Variants in PDZD8 observed in about 807,000 individuals in gnomAD.
PDZD8 encodes PDZ domain-containing protein 8.
A neutral mutation model predicts 85.8 loss-of-function variants in PDZD8; 14 were observed. That is an observed-to-expected ratio of 0.16 (90% CI 0.11 to 0.26). The LOEUF (loss-of-function observed/expected upper bound fraction) is 0.26, where lower values mean the gene tolerates loss of function less well. Ranked by LOEUF, PDZD8 falls within the 10% of genes least tolerant of loss-of-function variation. The probability of loss-of-function intolerance (pLI) is 1.00; values close to 1 mark genes in which losing one functional copy is unlikely to be tolerated. For missense variants in PDZD8, 1,197 were observed against 1,424.3 expected (o/e 0.84, Z 2.57); for synonymous variants, 592 against 568.6 (o/e 1.04, Z -0.59).
At chr10:117,290,387 G>A (rs1478375986) in intron 3 of PDZD8, 39 bp from the exon 4 acceptor site, 3 of 1,502,634 alleles carry the variant, frequency 2.0e-6, no homozygotes, top group Non-Finnish European at 1.8e-6. Flanking sequence ...TGATTCAATG[G>A]ATTCCTAGTA....
chr10:117,312,959 G>C (rs967484544), intron 3 of PDZD8, among the ~76,000 whole-genome samples: 1 of 152,168 alleles, frequency 6.6e-6, no homozygotes, highest in African/African-American at 2.4e-5. Flanking sequence ...CATCTTTCAT[G>C]AAAAGTCAGA....
rs1390975649 is a variant in PDZD8 at position 117,375,350 on chromosome 10, T to C, written c.-123A>G. The C allele has an allele frequency of 6.1e-6, 5 of 816,438 alleles. No individual in the cohort carries two copies. In the East Asian group the frequency reaches 9.9e-5, roughly 16 times the overall value. 50.6% of individuals were successfully genotyped at this position (816,438 alleles called of 1,614,324 possible). A position where few individuals can be genotyped will look rare whatever the true frequency, so the allele number is the denominator to read the frequency against. On this transcript the variant is annotated 5_prime_UTR_variant, in exon 1 of 5. Transcript: ENST00000334464. ...GGCTGGGTCGGGGCGAGCGGCTCCGTGGGCCTCGTCCAGGGGCTCGGGCCG... is the reference window on the plus strand; with the variant it reads ...GGCTGGGTCGGGGCGAGCGGCTCCGCGGGCCTCGTCCAGGGGCTCGGGCCG...
chr10:117,372,323 T>G (rs1442661087), intron 1 of PDZD8, among the ~76,000 whole-genome samples: 1 of 152,208 alleles, frequency 6.6e-6, no homozygotes, highest in Non-Finnish European at 1.5e-5. Flanking sequence ...ATACAGATAA[T>G]AGTTTTTCAA....
chr10:117,363,167 A>G (rs1355695944), intron 1 of PDZD8, among the ~76,000 whole-genome samples: 1 of 152,110 alleles, frequency 6.6e-6, no homozygotes, highest in East Asian at 1.9e-4. Flanking sequence ...AGAGAACAAA[A>G]AGCTTTGAAT....
At chr10:117,372,022 C>A (rs141069838) in intron 1 of PDZD8, among the ~76,000 whole-genome samples, 26 of 152,306 alleles carry the variant, frequency 1.7e-4, no homozygotes, top group African/African-American at 4.8e-4. Flanking sequence ...TTCCTGAGGG[C>A]TGAGTTCAAG....
chr10:117,321,535 G>T (rs1844225143), intron 2 of PDZD8, among the ~76,000 whole-genome samples: 2 of 152,076 alleles, frequency 1.3e-5, no homozygotes, highest in African/African-American at 2.4e-5. Context: ...CTTTGAGGGG[G>T]ATGAAAATAT....
intron 3 of PDZD8, among the ~76,000 whole-genome samples, chr10:117,294,579 A>T (rs1380783125): frequency 2.0e-5 from 3 of 152,184 alleles, no homozygotes; most frequent in Admixed American, 2.0e-4. Context: ...TACTATTCAC[A>T]AGAGCCAAGC....
rs148078361 is a variant in PDZD8, at chr10:117,306,560, C to A, written c.1098+12312G>T. On this transcript the variant is annotated intron_variant, in intron 3 of 4. Coordinates refer to ENST00000334464, the MANE Select transcript of PDZD8 (RefSeq NM_173791.5). ...AGAAACAGTTCTTATTCTGAATCAC[C>A]AGGTCAGGCCTCAACTTCATATAGT... 4.4e-3 allele frequency among the ~76,000 whole-genome samples: 676 copies of A among 152,104 alleles called. 3 individuals are homozygous for A. The highest frequency in any genetic ancestry group is 6.9e-3 in the Non-Finnish European group (472 of 67,964).
At chr10:117,358,879 C>A (rs1427560856) in intron 1 of PDZD8, among the ~76,000 whole-genome samples, 1 of 151,980 alleles carries the variant, frequency 6.6e-6, no homozygotes, top group Non-Finnish European at 1.5e-5. Flanking sequence ...CCTATCAAAC[C>A]TTCTATTTAT....
chr10:117,366,817 A>T (rs1021391030), intron 1 of PDZD8, among the ~76,000 whole-genome samples: 3 of 152,256 alleles, frequency 2.0e-5, no homozygotes, highest in African/African-American at 7.2e-5. Flanking sequence ...CGTAAATCGC[A>T]TATTTCCACA....
intron 2 of PDZD8, among the ~76,000 whole-genome samples, chr10:117,328,329 T>G (rs528608107): frequency 3.0e-4 from 46 of 152,352 alleles, no homozygotes; most frequent in Non-Finnish European, 5.9e-4. Flanking sequence ...CTATGTTGAC[T>G]GTCAAGCTTT....
intron 1 of PDZD8, among the ~76,000 whole-genome samples, chr10:117,346,141 TGA>T (rs1354297878): frequency 6.8e-6 from 1 of 147,360 alleles, no homozygotes; most frequent in Admixed American, 7.1e-5. Flanking sequence ...CTCAGGAGGC[TGA>T]GACAGGAGAA....
Position 117,300,257 on chromosome 10 carries a change from T to C in PDZD8, c.1099-9909A>G, listed in dbSNP as rs577966174. Among the ~76,000 whole-genome samples the C allele has an allele frequency of 2.6e-5, 4 of 152,228 alleles. No individual in the cohort carries two copies. The South Asian group carries it at 8.3e-4, about 32-fold the overall frequency. ...TTCCTATTATTCCAGAAAAATGCAA[T>C]ATTTTTGTTTCGTGGTCCTCTGGCT... is the stretch of plus-strand genomic sequence containing the variant. On this transcript the variant is annotated intron_variant, in intron 3 of 4. Coordinates refer to ENST00000334464, the MANE Select transcript of PDZD8 (RefSeq NM_173791.5).
intron 3 of PDZD8, among the ~76,000 whole-genome samples, chr10:117,302,724 G>A (rs1843867500): frequency 1.3e-5 from 2 of 152,264 alleles, no homozygotes; most frequent in Admixed American, 6.5e-5. Context: ...ACCCAGGGGG[G>A]CGTAATTGAA....
chr10:117,375,198 C>T lies in PDZD8; in HGVS notation c.30G>A (p.Ser10=). The T allele has an allele frequency of 6.4e-7, 1 of 1,554,208 alleles. No individual in the cohort carries two copies. Among genetic ancestry groups the T allele is most frequent in the Non-Finnish European group, 8.7e-7 (1 of 1,155,148 alleles). MGLLLMILA[S]AVLGSFLTLL... ...GCGTGAGGAAGGAACCCAGCACGGCCGACGCCAGGATCATGAGCAGCAGCC... is the reference window on the plus strand; with the variant it reads ...GCGTGAGGAAGGAACCCAGCACGGCTGACGCCAGGATCATGAGCAGCAGCC... The change falls in exon 1 of 5, where the codon TCG becomes TCA. Residue 10 remains serine (S), a synonymous_variant. Coordinates refer to ENST00000334464, the MANE Select transcript of PDZD8 (RefSeq NM_173791.5).
intron 3 of PDZD8, among the ~76,000 whole-genome samples, chr10:117,297,912 C>A (rs969972659): frequency 3.3e-5 from 5 of 152,016 alleles, no homozygotes; most frequent in Non-Finnish European, 5.9e-5. Context: ...CTTATATATG[C>A]CAGTTTTTGT....
At chr10:117,361,785 G>A (rs945420064) in intron 1 of PDZD8, among the ~76,000 whole-genome samples, 8 of 152,112 alleles carry the variant, frequency 5.3e-5, no homozygotes, top group Non-Finnish European at 1.2e-4. Flanking sequence ...CGACTGTACA[G>A]AACTTGATGT....
chr10:117,327,810 C>T (rs998112577), intron 2 of PDZD8, among the ~76,000 whole-genome samples: 3 of 152,138 alleles, frequency 2.0e-5, no homozygotes, highest in African/African-American at 7.2e-5. Flanking sequence ...ATGGATATGG[C>T]TTTTATTAAT....
At chr10:117,327,610 T>C (rs1221265425) in intron 2 of PDZD8, among the ~76,000 whole-genome samples, 1 of 152,162 alleles carries the variant, frequency 6.6e-6, no homozygotes, top group East Asian at 1.9e-4. Flanking sequence ...CAGTGGGAGT[T>C]TTCATTCTAT....
Sources: gnomAD v4.1 joint callset for allele counts (sites outside exome capture counted in the v4.1 genomes callset) on GRCh38, gnomAD v4.1.1 for gene constraint, MANE v1.5 for transcripts, NCBI Gene and HGNC (gene_info 2026-07-23, HGNC 2026-07-21) for gene names.